CTNNA2: variants seen among roughly 807,000 people sequenced by gnomAD.
The protein encoded by CTNNA2 is catenin alpha 2, also known as catenin alpha-2.
In CTNNA2, 42 loss-of-function variants were observed where a neutral mutation model predicts 101.0. The ratio of observed to expected loss-of-function variants is 0.42; its 90% confidence interval spans 0.32 to 0.54. CTNNA2 has a LOEUF of 0.54. CTNNA2 is among the 20% of genes least tolerant of loss of function. The pLI is 0.14. For synonymous variants in CTNNA2, 450 were observed against 456.4 expected (o/e 0.99, Z 0.18); for missense variants, 871 against 1,223.1 (o/e 0.71, Z 4.29).
chr2:80,338,308 T>C (rs1164888491), intron 7 of CTNNA2, among the ~76,000 whole-genome samples: 10 of 150,950 alleles, frequency 6.6e-5, no homozygotes, highest in Admixed American at 1.3e-4. Context: ...TTTTCTTTTT[T>C]TTTTTTTTTC....
intron 7 of CTNNA2, among the ~76,000 whole-genome samples, chr2:80,317,385 G>A (rs761617400): frequency 6.6e-6 from 1 of 152,030 alleles, no homozygotes; most frequent in Non-Finnish European, 1.5e-5. Flanking sequence ...TCCACTTTCA[G>A]AATATACAAA....
chr2:80,426,297 G>T (rs1680986790), intron 9 of CTNNA2, among the ~76,000 whole-genome samples: 1 of 152,140 alleles, frequency 6.6e-6, no homozygotes, highest in South Asian at 2.1e-4. Flanking sequence ...GGTGTAATTT[G>T]GGTACAAAAT....
chr2:80,495,939 C>CAAAAAA (rs60582703), intron 9 of CTNNA2, among the ~76,000 whole-genome samples: 2 of 35,770 alleles, frequency 5.6e-5, no homozygotes, highest in East Asian at 9.3e-4. Context: ...GACTCTGTCT[C>CAAAAAA]AAAAAAAAAA....
At chr2:80,418,320 A>G (rs564396051) in intron 8 of CTNNA2, among the ~76,000 whole-genome samples, 76 of 152,332 alleles carry the variant, frequency 5.0e-4, no homozygotes, top group Non-Finnish European at 5.4e-4. Context: ...TGTAATATGC[A>G]AAGATTTTAG....
chr2:80,641,953 C>T (rs1673542704), intron 18 of CTNNA2, among the ~76,000 whole-genome samples: 1 of 152,068 alleles, frequency 6.6e-6, no homozygotes, highest in Non-Finnish European at 1.5e-5. Context: ...CATCACCCTA[C>T]ATGAAACAAT....
At chr2:79,220,703 T>C (rs1303382649) in intron 2 of CTNNA2, among the ~76,000 whole-genome samples, 3 of 152,268 alleles carry the variant, frequency 2.0e-5, no homozygotes, top group African/African-American at 7.2e-5. Context: ...TCTCTCCTCA[T>C]AGAAACTGGG....
intron 7 of CTNNA2, among the ~76,000 whole-genome samples, chr2:80,235,871 G>A (rs377153168): frequency 6.6e-6 from 1 of 152,124 alleles, no homozygotes; most frequent in East Asian, 1.9e-4. Flanking sequence ...GTAAACTTGT[G>A]TCATGGGGGT....
intron 2 of CTNNA2, among the ~76,000 whole-genome samples, chr2:79,688,644 G>A (rs1373058468): frequency 6.6e-6 from 1 of 151,990 alleles, no homozygotes. Context: ...CATTTTTATA[G>A]CACTAGAAAA....
intron 2 of CTNNA2, among the ~76,000 whole-genome samples, chr2:79,282,794 A>G (rs1675432342): frequency 8.4e-6 from 1 of 118,614 alleles, no homozygotes. Flanking sequence ...GGCTGGGTCA[A>G]ATGGTATTTC....
intron 2 of CTNNA2, among the ~76,000 whole-genome samples, chr2:79,295,013 G>A (rs1420708875): frequency 6.9e-6 from 1 of 144,424 alleles, no homozygotes; most frequent in African/African-American, 2.6e-5. Flanking sequence ...GTGTGTGTGT[G>A]TATTTGTGTA....
intron 2 of CTNNA2, among the ~76,000 whole-genome samples, chr2:79,214,756 G>A (rs1000367295): frequency 6.6e-6 from 1 of 152,086 alleles, no homozygotes; most frequent in African/African-American, 2.4e-5. Context: ...AATAGTCAGG[G>A]AAGCAGATAA....
At chr2:80,569,526 C>T (rs1694365011) in intron 12 of CTNNA2, among the ~76,000 whole-genome samples, 1 of 150,676 alleles carries the variant, frequency 6.6e-6, no homozygotes. Context: ...GTGTGCATCA[C>T]AAAGGCAATG....
intron 7 of CTNNA2, among the ~76,000 whole-genome samples, chr2:80,232,361 T>G (rs1408873234): frequency 1.2e-3 from 62 of 50,620 alleles, no homozygotes; most frequent in East Asian, 0.011. Context: ...TTTTTTTTTT[T>G]TTTTTTTTTT....
chr2:80,017,763 T>C (rs1258748412), intron 7 of CTNNA2, among the ~76,000 whole-genome samples: 5 of 152,150 alleles, frequency 3.3e-5, no homozygotes, highest in Non-Finnish European at 7.3e-5. Flanking sequence ...ATTTGTGATC[T>C]TGATAAGAAA....
chr2:79,429,982 A>G (rs1010075720), intron 4 of CTNNA2, among the ~76,000 whole-genome samples: 14 of 152,260 alleles, frequency 9.2e-5, no homozygotes, highest in African/African-American at 3.1e-4. Flanking sequence ...TAAAAGTGTT[A>G]TATCATTTTT....
At chr2:80,047,302 C>T (rs1011505808) in intron 7 of CTNNA2, among the ~76,000 whole-genome samples, 1 of 152,210 alleles carries the variant, frequency 6.6e-6, no homozygotes, top group Admixed American at 6.5e-5. Flanking sequence ...TACCACATAT[C>T]AATCTGTTGT....
Position 80,403,996 on chromosome 2 carries a change from C to G in CTNNA2, c.1137+10705C>G, listed in dbSNP as rs185613295. On this transcript the variant is annotated intron_variant, in intron 8 of 18. Transcript: ENST00000402739. ...AGTGGATAAACTTTTTAATGTGCTACTGTGTTTGGTTTGCCAGTATTTTAT... is the reference window on the plus strand; with the variant it reads ...AGTGGATAAACTTTTTAATGTGCTAGTGTGTTTGGTTTGCCAGTATTTTAT... 1.1e-4 allele frequency among the ~76,000 whole-genome samples: 17 copies of G among 152,256 alleles called. No individual in the cohort carries two copies. In the East Asian group the frequency reaches 3.3e-3, roughly 29 times the overall value.
chr2:79,919,475 T>C (rs1444699593), intron 7 of CTNNA2, among the ~76,000 whole-genome samples: 1 of 152,214 alleles, frequency 6.6e-6, no homozygotes, highest in African/African-American at 2.4e-5. Context: ...AGTAATATTA[T>C]GAGAGAGGAA....
In CTNNA2 at chr2:80,194,038, T is replaced by C. The variant is rs528428690; in HGVS notation, c.1057-199173T>C. Among the ~76,000 whole-genome samples the C allele has an allele frequency of 3.3e-5, 5 of 152,310 alleles. No homozygotes were observed. In the East Asian group the frequency reaches 9.7e-4, roughly 29 times the overall value. On this transcript the variant is annotated intron_variant, in intron 7 of 18. Transcript: ENST00000402739. ...CTGGAAAATTACATTGTAGATGAGA[T>C]AAATGCAGCTTGGCATTTAAATTAA...
Sources: gnomAD v4.1 joint callset for allele counts (sites outside exome capture counted in the v4.1 genomes callset) on GRCh38, gnomAD v4.1.1 for gene constraint, MANE v1.5 for transcripts, NCBI Gene and HGNC (gene_info 2026-07-23, HGNC 2026-07-21) for gene names.